The following WDTC1 variants were observed in gnomAD, a reference collection of about 807,000 sequenced individuals.
WDTC1 encodes WD and tetratricopeptide repeats protein 1.
A neutral mutation model predicts 76.0 loss-of-function variants in WDTC1; 12 were observed. The ratio of observed to expected loss-of-function variants is 0.16; its 90% CI spans 0.10 to 0.26. The LOEUF (loss-of-function observed/expected upper bound fraction) is 0.26. Among genes scored for constraint, WDTC1 ranks in the 10% least tolerant of loss-of-function variants. The probability of loss-of-function intolerance (pLI) is 1.00; values close to 1 mark genes in which losing one functional copy is unlikely to be tolerated. For missense variants in WDTC1, 511 were observed against 908.8 expected (o/e 0.56, Z 5.63); for synonymous variants, 326 against 350.8 (o/e 0.93, Z 0.79).
chr1:27,249,529 A>G lies in WDTC1; in HGVS notation c.-99-11427A>G, dbSNP rs770012304. On this transcript the variant is annotated intron_variant, in intron 1 of 15. Coordinates refer to ENST00000319394, the MANE Select transcript of WDTC1 (RefSeq NM_001276252.2). Reference sequence around the variant, plus strand: ...TGGATATACCACATTTTGTTTATCTATTTATCAGTTGATGGATGTTTCCAC... The same window carrying G: ...TGGATATACCACATTTTGTTTATCTGTTTATCAGTTGATGGATGTTTCCAC... Among the ~76,000 whole-genome samples, 13 of 151,980 alleles carry G rather than the reference A, an allele frequency of 8.6e-5. 1 individual carries two copies. Among genetic ancestry groups the G allele is most frequent in the South Asian group, 4.1e-4 (2 of 4,828 alleles).
At position 27,294,042 on chromosome 1, in the gene WDTC1, C is replaced by G. The variant is rs758382073; in HGVS notation, c.683C>G (p.Pro228Arg). 1 of 1,614,052 alleles carries G rather than the reference C, an allele frequency of 6.2e-7. No homozygotes were observed. Among genetic ancestry groups the G allele is most frequent in the Non-Finnish European group, 8.5e-7 (1 of 1,179,982 alleles). ...ACCAGAAAGAGCATGAAGCAGAGCC[C>G]TTCAGCGGGTGTGCACACCTTCTGT... ...HNHRKSMKQS[P>R]SAGVHTFCDR... Residue 228 changes from proline to arginine, a missense_variant, in exon 8 of 16, where the codon CCT becomes CGT. Pro to Arg is a moderately radical substitution (Grantham distance 103). Transcript: ENST00000319394.
At chr1:27,267,333 C>T (rs148526094) in intron 3 of WDTC1, among the ~76,000 whole-genome samples, 218 of 151,950 alleles carry the variant, frequency 1.4e-3, no homozygotes, top group Non-Finnish European at 2.6e-3. Context: ...TGCAACCTCG[C>T]CTCCTGGGCT....
intron 11 of WDTC1, 82 bp from the exon 12 acceptor site, chr1:27,297,856 C>T: frequency 1.4e-6 from 2 of 1,436,434 alleles, no homozygotes; most frequent in Non-Finnish European, 1.9e-6. Context: ...ATCTGGGTGG[C>T]CCTCAGGCCA....
intron 13 of WDTC1, among the ~76,000 whole-genome samples, chr1:27,302,680 A>T (rs1247728437): frequency 6.6e-6 from 1 of 152,090 alleles, no homozygotes; most frequent in East Asian, 1.9e-4. Context: ...GGTCAAGGCT[A>T]CAGTGAGCCA....
upstream of WDTC1, chr1:27,234,485 G>T: frequency 3.1e-6 from 1 of 317,478 alleles, no homozygotes; most frequent in Non-Finnish European, 5.8e-6. Context: ...GGGCGCCGCC[G>T]GCAGCAGACG....
At chr1:27,296,460 T>C in intron 10 of WDTC1, 59 bp downstream of exon 10, 1 of 1,554,232 alleles carries the variant, frequency 6.4e-7, no homozygotes, top group Non-Finnish European at 8.9e-7. Context: ...AAGTGCATGC[T>C]ACACCTGCTG....
intron 3 of WDTC1, among the ~76,000 whole-genome samples, chr1:27,272,929 A>G (rs1304694465): frequency 6.6e-6 from 1 of 152,176 alleles, no homozygotes; most frequent in South Asian, 2.1e-4. Context: ...TAAACTACAT[A>G]TATAGAAATT....
chr1:27,267,214 G>T (rs1454594938), intron 3 of WDTC1, among the ~76,000 whole-genome samples: 1 of 150,574 alleles, frequency 6.6e-6, no homozygotes, highest in African/African-American at 2.4e-5. Context: ...AGAGCTGACA[G>T]TTTAAAAAGC....
At chr1:27,253,764 T>C (rs1305882174) in intron 1 of WDTC1, among the ~76,000 whole-genome samples, 1 of 152,212 alleles carries the variant, frequency 6.6e-6, no homozygotes, top group African/African-American at 2.4e-5. Flanking sequence ...AACTGAACAT[T>C]ATGTAATTTG....
rs57130485 is a variant in WDTC1, at chr1:27,273,206, C to CTTT, written c.133-9015_133-9013dup. The stretch of plus-strand genomic sequence containing the variant: ...AAATGACTAATTTTCTTTTTCTTTT[C>CTTT]TTTTTTTTTTTTTTTTTTTTGAGAT... On this transcript the variant is annotated intron_variant, in intron 3 of 15. Coordinates refer to ENST00000319394, the MANE Select transcript of WDTC1 (RefSeq NM_001276252.2). 1.4e-3 allele frequency among the ~76,000 whole-genome samples: 146 copies of CTTT among 103,618 alleles called. 2 individuals are homozygous for CTTT. The highest frequency in any genetic ancestry group is 1.9e-3 in the Non-Finnish European group (105 of 55,736). 68.0% of individuals were successfully genotyped at this position (103,618 alleles called of 152,430 possible). A position where few individuals can be genotyped will look rare whatever the true frequency, so the allele number is the denominator to read the frequency against.
At chr1:27,299,308 G>T (rs531948579) in intron 12 of WDTC1, among the ~76,000 whole-genome samples, 4 of 152,168 alleles carry the variant, frequency 2.6e-5, no homozygotes, top group Non-Finnish European at 5.9e-5. Flanking sequence ...GTAAAGTGGT[G>T]GACATAGTTC....
chr1:27,263,065 C>G, intron 2 of WDTC1, 87 bp from the exon 3 acceptor site: 12 of 1,408,330 alleles, frequency 8.5e-6, no homozygotes, highest in Non-Finnish European at 1.2e-5. Flanking sequence ...CCTGTGGTGC[C>G]CAGGAAAGAG....
chr1:27,245,697 G>A (rs1252010740), intron 1 of WDTC1, among the ~76,000 whole-genome samples: 2 of 151,346 alleles, frequency 1.3e-5, no homozygotes, highest in South Asian at 2.1e-4. Context: ...AGCTTCCCGA[G>A]TAGCTGGGAT....
At chr1:27,273,487 C>T (rs1164016789) in intron 3 of WDTC1, among the ~76,000 whole-genome samples, 2 of 152,170 alleles carry the variant, frequency 1.3e-5, no homozygotes, top group East Asian at 1.9e-4. Context: ...GGATTACAGG[C>T]GTGAGCCACC....
At chr1:27,270,114 G>T (rs907828755) in intron 3 of WDTC1, among the ~76,000 whole-genome samples, 1 of 151,960 alleles carries the variant, frequency 6.6e-6, no homozygotes, top group African/African-American at 2.4e-5. Flanking sequence ...GTTAGAAACA[G>T]GGTTTTACCG....
chr1:27,293,911 T>C, intron 7 of WDTC1, 111 bp from the exon 8 acceptor site: 2 of 1,013,100 alleles, frequency 2.0e-6, no homozygotes, highest in South Asian at 1.5e-5. Flanking sequence ...GGAGGAAAAA[T>C]ACCTCCTGTA....
chr1:27,284,044 C>A (rs1212918421), intron 5 of WDTC1, among the ~76,000 whole-genome samples: 1 of 152,154 alleles, frequency 6.6e-6, no homozygotes, highest in Non-Finnish European at 1.5e-5. Flanking sequence ...AGGGGACTTA[C>A]AAGTGTCTTC....
chr1:27,265,046 C>A (rs2012616674), intron 3 of WDTC1, among the ~76,000 whole-genome samples: 1 of 152,156 alleles, frequency 6.6e-6, no homozygotes, highest in South Asian at 2.1e-4. Context: ...TCAAGCCATT[C>A]ACCTGCCTCA....
At chr1:27,234,579 C>T, upstream of WDTC1, 1 of 390,050 alleles carries the variant, frequency 2.6e-6, no homozygotes, top group Non-Finnish European at 4.5e-6. Context: ...GCGTACCCGC[C>T]GGCTGCGAGG....
Sources: allele counts gnomAD v4.1 joint callset (sites outside exome capture counted in the v4.1 genomes callset), GRCh38; gene constraint gnomAD v4.1.1; transcripts MANE v1.5; gene names NCBI Gene and HGNC (gene_info 2026-07-23, HGNC 2026-07-21).